Variants in UBE2F observed in about 807,000 individuals in gnomAD.
UBE2F encodes NEDD8-conjugating enzyme UBE2F.
UBE2F carries 5 observed loss-of-function variants against 29.6 expected under a neutral mutation model. That is an observed-to-expected ratio of 0.17 (90% CI 0.09 to 0.36). The LOEUF is 0.36. Ranked by LOEUF, UBE2F falls within the 10% of genes least tolerant of loss-of-function variation. UBE2F has a pLI of 1.00. For missense variants in UBE2F, 141 were observed against 228.5 expected (o/e 0.62, Z 2.47); for synonymous variants, 66 against 81.8 (o/e 0.81, Z 1.04).
chr2:238,030,630 G>A lies in UBE2F; in HGVS notation c.411+17G>A, dbSNP rs1490418141. ...ACATTAAAGGTAGAGTCTGTGCCTTGATCTTGATCATAAGTTGTCCCTGTG... is the reference window on the plus strand; with the variant it reads ...ACATTAAAGGTAGAGTCTGTGCCTTAATCTTGATCATAAGTTGTCCCTGTG... On this transcript the variant is annotated intron_variant, in intron 7 of 9. Coordinates refer to ENST00000272930, the MANE Select transcript of UBE2F (RefSeq NM_080678.3). 3.1e-6 allele frequency: 5 copies of A among 1,604,770 alleles called. No homozygotes were observed. In the South Asian group the frequency reaches 3.3e-5, roughly 11 times the overall value.
At chr2:237,975,079 A>T (rs1375368018) in intron 2 of UBE2F, among the ~76,000 whole-genome samples, 1 of 151,760 alleles carries the variant, frequency 6.6e-6, no homozygotes, top group Non-Finnish European at 1.5e-5. Flanking sequence ...GCCTTACTTT[A>T]TCACAGGTGT....
chr2:237,995,522 G>A (rs2063673306), intron 4 of UBE2F, among the ~76,000 whole-genome samples: 1 of 152,230 alleles, frequency 6.6e-6, no homozygotes, highest in South Asian at 2.1e-4. Flanking sequence ...TAACAAGAGG[G>A]AAGGACGTTT....
At chr2:237,977,399 G>A (rs563193607) in intron 2 of UBE2F, among the ~76,000 whole-genome samples, 1 of 152,322 alleles carries the variant, frequency 6.6e-6, no homozygotes, top group Admixed American at 6.5e-5. Flanking sequence ...ACTCACCTCA[G>A]GGGCTGCAGG....
chr2:238,025,042 G>A (rs527809825), intron 5 of UBE2F, among the ~76,000 whole-genome samples: 5 of 152,224 alleles, frequency 3.3e-5, no homozygotes, highest in Non-Finnish European at 7.3e-5. Context: ...GGAGGTGACA[G>A]AGGTCCAGTC....
intron 5 of UBE2F, among the ~76,000 whole-genome samples, chr2:238,017,687 C>T (rs921188057): frequency 1.8e-4 from 27 of 152,158 alleles, no homozygotes; most frequent in African/African-American, 2.4e-4. Context: ...GTCTTACTGG[C>T]GTGCACCATG....
chr2:238,011,208 C>G (rs2064019802), intron 4 of UBE2F, among the ~76,000 whole-genome samples: 1 of 152,218 alleles, frequency 6.6e-6, no homozygotes, highest in African/African-American at 2.4e-5. Context: ...GGCCCAACAC[C>G]CTTTGCATCT....
rs190905348 is a variant in UBE2F, at chr2:238,000,455, G to A, written c.214+5646G>A. Among the ~76,000 whole-genome samples, 6 of 152,202 alleles carry A rather than the reference G, an allele frequency of 3.9e-5. No individual in the cohort carries two copies. The East Asian group carries it at 7.7e-4, about 20-fold the overall frequency. On this transcript the variant is annotated intron_variant, in intron 4 of 9. Coordinates refer to ENST00000272930, the MANE Select transcript of UBE2F (RefSeq NM_080678.3). The stretch of plus-strand genomic sequence containing the variant: ...TATAAGTTACATTCTTTTACTTAAC[G>A]TAATGTTTTTGAGTTTCACCCATGT...
chr2:238,027,003 C>G (rs1341179316), intron 6 of UBE2F, among the ~76,000 whole-genome samples: 1 of 152,212 alleles, frequency 6.6e-6, no homozygotes, highest in Non-Finnish European at 1.5e-5. Flanking sequence ...GTGAGGACAC[C>G]TGGCTCACTT....
At chr2:237,979,200 A>G (rs1427786820) in intron 2 of UBE2F, among the ~76,000 whole-genome samples, 3 of 152,296 alleles carry the variant, frequency 2.0e-5, no homozygotes, top group South Asian at 4.1e-4. Flanking sequence ...CCCTTGTCCC[A>G]ATCAGCCCCT....
intron 4 of UBE2F, among the ~76,000 whole-genome samples, chr2:238,011,992 C>T (rs562452118): frequency 1.3e-5 from 2 of 152,192 alleles, no homozygotes; most frequent in East Asian, 3.9e-4. Context: ...AATCCTCCCA[C>T]CTCAGCCTCC....
chr2:237,986,804 T>G (rs1026357566), intron 2 of UBE2F, among the ~76,000 whole-genome samples: 2 of 152,230 alleles, frequency 1.3e-5, no homozygotes, highest in Non-Finnish European at 2.9e-5. Flanking sequence ...GGTACCTGTG[T>G]CATAAATTAG....
At chr2:237,998,256 GA>G (rs954848382) in intron 4 of UBE2F, among the ~76,000 whole-genome samples, 64 of 152,130 alleles carry the variant, frequency 4.2e-4, no homozygotes, top group African/African-American at 1.4e-3. Flanking sequence ...CAATAAAGAT[GA>G]AAAACATTTC....
At chr2:238,005,629 G>A (rs1485796235) in intron 4 of UBE2F, among the ~76,000 whole-genome samples, 3 of 145,048 alleles carry the variant, frequency 2.1e-5, no homozygotes, top group Admixed American at 2.1e-4. Context: ...TCTCTTTTTT[G>A]CATTGTCCAT....
intron 2 of UBE2F, among the ~76,000 whole-genome samples, chr2:237,978,805 C>T (rs936845383): frequency 3.9e-5 from 6 of 152,192 alleles, no homozygotes; most frequent in Admixed American, 1.3e-4. Flanking sequence ...GACTGGAGGG[C>T]TGGCCATTGC....
chr2:238,020,865 C>CT (rs1285905976), intron 5 of UBE2F, among the ~76,000 whole-genome samples: 1 of 152,152 alleles, frequency 6.6e-6, no homozygotes, highest in Non-Finnish European at 1.5e-5. Context: ...ACTTGGTGGC[C>CT]TTTTAAGAAT....
intron 2 of UBE2F, chr2:237,973,522 C>T: frequency 1.8e-6 from 1 of 549,252 alleles, no homozygotes; most frequent in South Asian, 1.9e-5. Flanking sequence ...TCAGCAAAGC[C>T]TAAGACTGGT....
At chr2:238,015,979 G>A (rs1434881283) in intron 4 of UBE2F, among the ~76,000 whole-genome samples, 1 of 152,092 alleles carries the variant, frequency 6.6e-6, no homozygotes, top group Non-Finnish European at 1.5e-5. Context: ...CAGACCCTGG[G>A]CTTCCTCCTT....
intron 6 of UBE2F, 52 bp downstream of exon 6, chr2:238,025,464 C>T (rs770045109): frequency 8.7e-6 from 13 of 1,496,248 alleles, no homozygotes; most frequent in Admixed American, 1.8e-5. Context: ...CATGTGCAAG[C>T]GTTGGGCTTT....
In UBE2F at chr2:238,016,621, G is replaced by A. The variant is rs781068054; in HGVS notation, c.270G>A (p.Ala90=). The A allele has an allele frequency of 4.3e-6, 7 of 1,612,748 alleles. No homozygotes were observed. Among genetic ancestry groups the A allele is most frequent in the South Asian group, 2.2e-5 (2 of 90,808 alleles). The change falls in exon 5 of 10, where the codon GCG becomes GCA. Residue 90 remains alanine, a synonymous_variant. Coordinates refer to ENST00000272930, the MANE Select transcript of UBE2F (RefSeq NM_080678.3). The part of the protein sequence containing the change: ...KFQFETEVPD[A]YNMVPPKVKC... ...AGTTTGAAACTGAAGTTCCCGATGC[G>A]TACAACATGGTGGTGAGTAGCCTGC... is the stretch of plus-strand genomic sequence containing the variant.
Sources: gnomAD v4.1 joint callset for allele counts (sites outside exome capture counted in the v4.1 genomes callset) on GRCh38, gnomAD v4.1.1 for gene constraint, MANE v1.5 for transcripts, NCBI Gene and HGNC (gene_info 2026-07-23, HGNC 2026-07-21) for gene names.